BBS9: variants seen among roughly 807,000 people sequenced by gnomAD.
BBS9 encodes the protein Bardet-Biedl syndrome 9, also known as protein PTHB1.
In BBS9, 89 loss-of-function variants were observed where a neutral mutation model predicts 117.7. The ratio of observed to expected loss-of-function variants is 0.76; its 90% CI spans 0.64 to 0.90. BBS9 has a LOEUF of 0.90. BBS9 is among the 40% of genes least tolerant of loss of function. The pLI is 0.00. For synonymous variants in BBS9, 379 were observed against 370.9 expected (o/e 1.02, Z -0.25); for missense variants, 982 against 1,042.2 (o/e 0.94, Z 0.80).
At chr7:33,325,943 C>G (rs1446409052) in intron 9 of BBS9, among the ~76,000 whole-genome samples, 1 of 152,138 alleles carries the variant, frequency 6.6e-6, no homozygotes, top group Non-Finnish European at 1.5e-5. Flanking sequence ...AGAGCTGAAT[C>G]CAGAATGTAC....
chr7:33,294,317 CTA>C (rs1362453022), intron 9 of BBS9, among the ~76,000 whole-genome samples: 2 of 142,992 alleles, frequency 1.4e-5, no homozygotes, highest in Non-Finnish European at 3.0e-5. Context: ...ATCTATCTAT[CTA>C]TCTATCTATC....
At position 33,368,375 on chromosome 7, in the gene BBS9, G is replaced by A. The variant is rs531036749; in HGVS notation, c.1789+513G>A. On this transcript the variant is annotated intron_variant, in intron 17 of 22. Coordinates refer to ENST00000242067, the MANE Select transcript of BBS9 (RefSeq NM_198428.3). Reference sequence around the variant, plus strand: ...AAAGGTGTAGTAACTATATAGTCAAGTTTGAATTTAAATATGCTTTATTGA... The same window carrying A: ...AAAGGTGTAGTAACTATATAGTCAAATTTGAATTTAAATATGCTTTATTGA... 1.6e-4 allele frequency among the ~76,000 whole-genome samples: 24 copies of A among 152,222 alleles called. No homozygotes were observed. In the East Asian group the frequency reaches 4.6e-3, roughly 29 times the overall value.
chr7:33,168,511 C>G (rs933959330), intron 4 of BBS9, among the ~76,000 whole-genome samples: 1 of 152,062 alleles, frequency 6.6e-6, no homozygotes, highest in African/African-American at 2.4e-5. Flanking sequence ...AAATGCTACA[C>G]AAATTTTTGT....
At chr7:33,222,891 T>A (rs1790522656) in intron 5 of BBS9, among the ~76,000 whole-genome samples, 1 of 151,260 alleles carries the variant, frequency 6.6e-6, no homozygotes, top group African/African-American at 2.4e-5. Flanking sequence ...AGGCAGAGGT[T>A]GCAGTGAGCT....
At chr7:33,167,740 C>G (rs1795924918) in intron 4 of BBS9, among the ~76,000 whole-genome samples, 1 of 152,106 alleles carries the variant, frequency 6.6e-6, no homozygotes, top group African/African-American at 2.4e-5. Context: ...TTATATGATC[C>G]TAAAGTTACC....
chr7:33,432,269 C>T (rs1279625953), intron 19 of BBS9, among the ~76,000 whole-genome samples: 6 of 136,658 alleles, frequency 4.4e-5, no homozygotes, highest in South Asian at 2.3e-4. Flanking sequence ...CCACCATGCC[C>T]GGCTAATTTT....
chr7:33,596,182 G>T (rs1862729598), intron 21 of BBS9, among the ~76,000 whole-genome samples: 1 of 143,644 alleles, frequency 7.0e-6, no homozygotes, highest in East Asian at 2.1e-4. Flanking sequence ...GGAACTTAAA[G>T]TAAAATAAAA....
At chr7:33,608,053 T>C (rs143432116), downstream of BBS9, among the ~76,000 whole-genome samples, 342 of 152,114 alleles carry the variant, frequency 2.2e-3, 2 homozygotes, top group African/African-American at 7.8e-3. Context: ...CCCCTCTCCC[T>C]ACCTCTAGTA....
intron 19 of BBS9, chr7:33,390,449 T>G (rs1320189011): frequency 1.0e-6 from 1 of 981,844 alleles, no homozygotes; most frequent in African/African-American, 1.7e-5. Context: ...GAATGTATAT[T>G]GTTAAGTCCC....
chr7:33,145,242 G>A (rs867292301), intron 1 of BBS9, among the ~76,000 whole-genome samples: 2 of 152,202 alleles, frequency 1.3e-5, no homozygotes, highest in South Asian at 2.1e-4. Context: ...CATTTAAATC[G>A]GTGTAACATG....
chr7:33,323,104 A>G (rs1029624871), intron 9 of BBS9, among the ~76,000 whole-genome samples: 1 of 151,878 alleles, frequency 6.6e-6, no homozygotes, highest in African/African-American at 2.4e-5. Flanking sequence ...AATATTCTTG[A>G]TGTTGTTTCA....
chr7:33,151,527 T>A (rs1320957061), intron 2 of BBS9, among the ~76,000 whole-genome samples: 1 of 151,810 alleles, frequency 6.6e-6, no homozygotes, highest in Non-Finnish European at 1.5e-5. Flanking sequence ...CCCAGGATTA[T>A]ACCTCTCTCA....
intron 21 of BBS9, among the ~76,000 whole-genome samples, chr7:33,560,514 T>A (rs1855933451): frequency 6.6e-6 from 1 of 152,192 alleles, no homozygotes; most frequent in Admixed American, 6.5e-5. Flanking sequence ...AAGCTTTGGT[T>A]CAGGTGCTTT....
At chr7:33,477,250 G>A (rs546893284) in intron 19 of BBS9, among the ~76,000 whole-genome samples, 63 of 152,240 alleles carry the variant, frequency 4.1e-4, no homozygotes, top group South Asian at 1.9e-3. Flanking sequence ...AGCCATCATC[G>A]TCATCATTGT....
intron 5 of BBS9, among the ~76,000 whole-genome samples, chr7:33,213,982 C>T (rs1265565923): frequency 6.6e-6 from 1 of 152,136 alleles, no homozygotes; most frequent in Non-Finnish European, 1.5e-5. Context: ...CCTAGCCACC[C>T]CGGATTGTGT....
intron 5 of BBS9, among the ~76,000 whole-genome samples, chr7:33,178,548 A>G (rs923290996): frequency 2.6e-5 from 4 of 152,082 alleles, no homozygotes; most frequent in African/African-American, 9.7e-5. Context: ...TGGATTGAGG[A>G]TAGGAAGCCA....
chr7:33,630,308 G>T (rs1223364088), intron 21 of BBS9, among the ~76,000 whole-genome samples: 1 of 152,056 alleles, frequency 6.6e-6, no homozygotes, highest in Non-Finnish European at 1.5e-5. Flanking sequence ...TAAATGAGGT[G>T]CGAAAAGCAT....
At chr7:33,298,926 A>G (rs956423127) in intron 9 of BBS9, among the ~76,000 whole-genome samples, 2 of 152,236 alleles carry the variant, frequency 1.3e-5, no homozygotes, top group Non-Finnish European at 2.9e-5. Flanking sequence ...AATCAGTACC[A>G]TGGCCAACCT....
At chr7:33,623,356 T>G (rs891438046) in intron 21 of BBS9, among the ~76,000 whole-genome samples, 2 of 151,702 alleles carry the variant, frequency 1.3e-5, no homozygotes, top group African/African-American at 4.8e-5. Context: ...ATCTACCAGA[T>G]AGGAGAAAAA....
Sources: gnomAD v4.1 joint callset for allele counts (sites outside exome capture counted in the v4.1 genomes callset) on GRCh38, gnomAD v4.1.1 for gene constraint, MANE v1.5 for transcripts, NCBI Gene and HGNC (gene_info 2026-07-23, HGNC 2026-07-21) for gene names.